HECW1: variants seen among roughly 807,000 people sequenced by gnomAD.
HECW1 encodes HECT, C2 and WW domain containing E3 ubiquitin protein ligase 1.
Under a neutral mutation model 182.3 loss-of-function variants are expected in HECW1, and 61 were observed. The observed-to-expected ratio is 0.33, with a 90% CI of 0.27 to 0.41. HECW1 has a LOEUF of 0.41. Among genes scored for constraint, HECW1 ranks in the 10% least tolerant of loss-of-function variants. HECW1 has a pLI of 1.00. For missense variants in HECW1, 1,739 were observed against 2,108.9 expected, an observed-to-expected ratio of 0.82 and a Z score of 3.44; for synonymous variants, 859 against 832.6, an observed-to-expected ratio of 1.03 and a Z score of -0.55.
At chr7:43,256,749 C>T (rs1414810719) in intron 3 of HECW1, among the ~76,000 whole-genome samples, 1 of 151,874 alleles carries the variant, frequency 6.6e-6, no homozygotes, top group African/African-American at 2.4e-5. Flanking sequence ...TAAGTAAAAG[C>T]TACTTCACTA....
chr7:43,155,368 G>A (rs73312899), intron 2 of HECW1, among the ~76,000 whole-genome samples: 4,133 of 152,070 alleles, frequency 0.027, 208 homozygotes, highest in African/African-American at 0.095. Flanking sequence ...GAAGTTGGAG[G>A]GGAAAAAAGG....
chr7:43,480,720 CATAT>C lies in HECW1; in HGVS notation c.3234+990_3234+993del, dbSNP rs143796008. Among the ~76,000 whole-genome samples the C allele has an allele frequency of 1.1e-4, 16 of 146,584 alleles. No homozygotes were observed. In the East Asian group the frequency reaches 2.2e-3, roughly 20 times the overall value. Reference sequence around the variant, plus strand: ...ATACACACACACACACATATATACGCATATATATATATATATACACACACACACA... The same window carrying C: ...ATACACACACACACACATATATACGCATATATATATATACACACACACACA... On this transcript the variant is annotated intron_variant, in intron 17 of 29. Coordinates refer to ENST00000395891, the MANE Select transcript of HECW1 (RefSeq NM_015052.5).
intron 2 of HECW1, among the ~76,000 whole-genome samples, chr7:43,208,226 C>A (rs1028820465): frequency 7.2e-5 from 11 of 152,178 alleles, no homozygotes. Flanking sequence ...TAGACTAATT[C>A]TCTGAAGTCT....
intron 1 of HECW1, among the ~76,000 whole-genome samples, chr7:43,113,139 C>T (rs1230115128): frequency 6.6e-6 from 1 of 152,140 alleles, no homozygotes; most frequent in Non-Finnish European, 1.5e-5. Context: ...GGGCCGGCAT[C>T]CCCGGGTGGC....
chr7:43,479,787 T>C (rs752215805), intron 17 of HECW1, 43 bp downstream of exon 17: 1 of 1,610,378 alleles, frequency 6.2e-7, no homozygotes, highest in East Asian at 2.2e-5. Flanking sequence ...CCGGTCACAG[T>C]CTCTGCCTCT....
chr7:43,441,582 T>C (rs1562978655), intron 9 of HECW1, among the ~76,000 whole-genome samples: 1 of 152,174 alleles, frequency 6.6e-6, no homozygotes, highest in Non-Finnish European at 1.5e-5. Context: ...AGAACACAGG[T>C]TGGCAAACTT....
intron 25 of HECW1, 49 bp downstream of exon 25, chr7:43,541,310 A>T: frequency 3.6e-6 from 5 of 1,386,522 alleles, no homozygotes; most frequent in Non-Finnish European, 5.1e-6. Flanking sequence ...TCTGCAGGGC[A>T]AGGACACCGA....
At position 43,546,911 on chromosome 7, in the gene HECW1, C is replaced by G. The variant is rs370375200; in HGVS notation, c.4249-3534C>G. On this transcript the variant is annotated intron_variant, in intron 26 of 29. Transcript: ENST00000395891. The stretch of plus-strand genomic sequence containing the variant: ...CTTATCTTCCTTACTAATAAGGGAC[C>G]TTTGTGGTGCTTTTTTTCCAGAACG... Among the ~76,000 whole-genome samples, 21 of 152,248 alleles carry G rather than the reference C, an allele frequency of 1.4e-4. No individual in the cohort carries two copies. In the East Asian group the frequency reaches 4.1e-3, roughly 29 times the overall value.
intron 2 of HECW1, among the ~76,000 whole-genome samples, chr7:43,140,034 CA>C (rs1463921674): frequency 1.3e-5 from 2 of 151,930 alleles, no homozygotes; most frequent in African/African-American, 4.8e-5. Context: ...AGGTTATTTG[CA>C]ATGTGAATAT....
At chr7:43,316,514 G>C (rs1269113948) in intron 4 of HECW1, among the ~76,000 whole-genome samples, 1 of 152,060 alleles carries the variant, frequency 6.6e-6, no homozygotes, top group East Asian at 1.9e-4. Flanking sequence ...TTTTGAGGTA[G>C]GTACTTATAG....
rs554796583 is a variant in HECW1, at chr7:43,556,516, G to A, written c.4709+1726G>A. On this transcript the variant is annotated intron_variant, in intron 29 of 29. Transcript: ENST00000395891. The stretch of plus-strand genomic sequence containing the variant: ...AACCTGGGCAACAGGACAAGACCTC[G>A]TCTCTACAAAAAATTTAAAAAATTA... Among the ~76,000 whole-genome samples, 5 of 152,052 alleles carry A rather than the reference G, an allele frequency of 3.3e-5. No homozygotes were observed. In the East Asian group the frequency reaches 5.8e-4, roughly 18 times the overall value.
chr7:43,182,563 A>G (rs1219186672), intron 2 of HECW1, among the ~76,000 whole-genome samples: 1 of 152,172 alleles, frequency 6.6e-6, no homozygotes, highest in Non-Finnish European at 1.5e-5. Context: ...ATAGCTTTGC[A>G]GTATATTTTG....
chr7:43,321,529 G>C (rs191661180), intron 5 of HECW1, among the ~76,000 whole-genome samples: 1 of 152,128 alleles, frequency 6.6e-6, no homozygotes, highest in African/African-American at 2.4e-5. Flanking sequence ...CTTACCTTCA[G>C]TCCACAGCTC....
chr7:43,257,976 A>G (rs149347812), intron 3 of HECW1, among the ~76,000 whole-genome samples: 2 of 152,328 alleles, frequency 1.3e-5, no homozygotes, highest in East Asian at 3.9e-4. Flanking sequence ...AATCCTATGA[A>G]TCTGATATTG....
Position 43,444,915 on chromosome 7 carries a change from G to A in HECW1, c.1743G>A (p.Glu581=). The change falls in exon 11 of 30, where the codon GAG becomes GAA. Residue 581 remains glutamate, a synonymous_variant. Transcript: ENST00000395891. This position sits in a 1 kb window ranked among gnomAD's most constrained non-coding sequence, Gnocchi z 4.3. Reference sequence around the variant, plus strand: ...CCCAGGGCGGCAGCGCGGCAGAGGAGGAGGACGGCGCGGAGGAGGAGTCCA... The same window carrying A: ...CCCAGGGCGGCAGCGCGGCAGAGGAAGAGGACGGCGCGGAGGAGGAGTCCA... ...PSAQGGSAAE[E]EDGAEEESTL... 6.3e-7 allele frequency: 1 copy of A among 1,599,002 alleles called. No homozygotes were observed. Among genetic ancestry groups the A allele is most frequent in the Non-Finnish European group, 8.5e-7 (1 of 1,171,638 alleles).
chr7:43,319,203 C>A (rs866442439), intron 4 of HECW1, among the ~76,000 whole-genome samples: 4 of 151,574 alleles, frequency 2.6e-5, no homozygotes, highest in Non-Finnish European at 5.9e-5. Context: ...CTGGGTAACA[C>A]GGTGAAACCC....
intron 24 of HECW1, among the ~76,000 whole-genome samples, chr7:43,517,765 A>T (rs1055780868): frequency 1.3e-5 from 2 of 152,274 alleles, no homozygotes; most frequent in Admixed American, 1.3e-4. Flanking sequence ...ACGAACACCT[A>T]CAAGAGCTTT....
intron 24 of HECW1, chr7:43,522,585 C>CAGCCTCACCCTCCA (rs2152939810): frequency 6.5e-6 from 1 of 153,780 alleles, no homozygotes; most frequent in East Asian, 1.9e-4. Flanking sequence ...TGCCCCACAA[C>CAGCCTCACCCTCCA]AGCCACCTCA....
chr7:43,119,954 G>A (rs1583572535), intron 2 of HECW1, among the ~76,000 whole-genome samples: 1 of 152,290 alleles, frequency 6.6e-6, no homozygotes, highest in Middle Eastern at 3.4e-3. Flanking sequence ...GCCCAAACGA[G>A]CCTTTAAAAG....
Sources: gnomAD v4.1 joint callset for allele counts (sites outside exome capture counted in the v4.1 genomes callset) on GRCh38, gnomAD v4.1.1 for gene constraint, Gnocchi (gnomAD v3.1) non-coding constraint, MANE v1.5 for transcripts, NCBI Gene and HGNC (gene_info 2026-07-23, HGNC 2026-07-21) for gene names.